The following CLPX variants were observed in gnomAD, a reference collection of about 807,000 sequenced individuals.
The protein encoded by CLPX is caseinolytic mitochondrial matrix peptidase chaperone subunit X, also known as ATP-dependent clpX-like chaperone, mitochondrial.
In CLPX, 34 loss-of-function variants were observed where a neutral mutation model predicts 76.4. The observed-to-expected ratio is 0.45, with a 90% CI of 0.34 to 0.59. The LOEUF (loss-of-function observed/expected upper bound fraction) is 0.59, where lower values mean the gene tolerates loss of function less well. Ranked by LOEUF, CLPX falls within the 20% of genes least tolerant of loss-of-function variation. The pLI is 0.01. For synonymous variants in CLPX, 248 were observed against 270.9 expected (o/e 0.92, Z 0.83); for missense variants, 613 against 757.0 (o/e 0.81, Z 2.23).
intron 5 of CLPX, 91 bp downstream of exon 5, chr15:65,163,938 A>G: frequency 8.1e-7 from 1 of 1,242,134 alleles, no homozygotes; most frequent in Non-Finnish European, 1.2e-6. Flanking sequence ...CACTATATAA[A>G]AAACATTTTA....
intron 6 of CLPX, among the ~76,000 whole-genome samples, chr15:65,160,623 T>TCTCTCACACACACACACACA (rs1219208926): frequency 2.0e-5 from 2 of 100,970 alleles, no homozygotes; most frequent in African/African-American, 7.6e-5. Flanking sequence ...TCTCTCTCTC[T>TCTCTCACACACACACACACA]CACACACACA....
At chr15:65,167,652 G>T (rs2087934249) in intron 3 of CLPX, among the ~76,000 whole-genome samples, 1 of 151,460 alleles carries the variant, frequency 6.6e-6, no homozygotes. Context: ...GAGGCAGGTG[G>T]ATCACCTGAG....
intron 5 of CLPX, 96 bp from the exon 6 acceptor site, chr15:65,162,741 G>A: frequency 1.5e-6 from 1 of 677,148 alleles, no homozygotes; most frequent in Non-Finnish European, 2.5e-6. Flanking sequence ...ATATTTAAAG[G>A]ATTTGTTCAT....
rs144613327 is a variant in CLPX, at chr15:65,164,174, G to A, written c.528C>T (p.Leu176=). 24 of 1,608,592 alleles carry A rather than the reference G, an allele frequency of 1.5e-5. No individual in the cohort carries two copies. Among genetic ancestry groups the A allele is most frequent in the East Asian group, 4.5e-5 (2 of 44,714 alleles). ...PPPPKKIYNY[L]DKYVVGQSFA... The stretch of plus-strand genomic sequence containing the variant: ...ATGACTGGCCAACAACATACTTGTC[G>A]AGGTAGTTATAAATCTGAAAAATGA... The change falls in exon 5 of 14, where the codon CTC becomes CTT. Residue 176 remains leucine, a synonymous_variant. Coordinates refer to ENST00000300107, the MANE Select transcript of CLPX (RefSeq NM_006660.5).
chr15:65,177,938 G>GCCAT (rs1260173112), intron 3 of CLPX, among the ~76,000 whole-genome samples: 5 of 152,014 alleles, frequency 3.3e-5, no homozygotes, highest in African/African-American at 4.8e-5. Context: ...TGGAACTATA[G>GCCAT]CCATGCACCA....
rs545600427 is a variant in CLPX, at chr15:65,161,249, G to A, written c.715+1355C>T. 3.9e-5 allele frequency among the ~76,000 whole-genome samples: 6 copies of A among 152,158 alleles called. No homozygotes were observed. The East Asian group carries it at 1.2e-3, about 29-fold the overall frequency. On this transcript the variant is annotated intron_variant, in intron 6 of 13. Coordinates refer to ENST00000300107, the MANE Select transcript of CLPX (RefSeq NM_006660.5). ...AAAAACAACATTATATTCCAAAGAT[G>A]GAGAAAAAAAGCCAATTGTGTCAGT...
intron 3 of CLPX, among the ~76,000 whole-genome samples, chr15:65,170,007 T>C (rs2087977800): frequency 6.6e-6 from 1 of 152,016 alleles, no homozygotes; most frequent in African/African-American, 2.4e-5. Flanking sequence ...GTGATCCGCC[T>C]GCCTCAGCCT....
In CLPX at chr15:65,185,317, C is replaced by T; in HGVS notation, c.-164G>A. 1 of 600,862 alleles carries T rather than the reference C, an allele frequency of 1.7e-6. No homozygotes were observed. Among genetic ancestry groups the T allele is most frequent in the South Asian group, 2.0e-5 (1 of 50,890 alleles). The allele number at this position is 600,862 out of a possible 1,614,324, so 37.2% of individuals were successfully genotyped here. A position where few individuals can be genotyped will look rare whatever the true frequency, so the allele number is the denominator to read the frequency against. ...GCAGCCAGGCCTTCACGCTTCTCTG[C>T]CCCACAGCCGTCTATTCACCAGAGT... On this transcript the variant is annotated 5_prime_UTR_variant, in exon 1 of 14. Coordinates refer to ENST00000300107, the MANE Select transcript of CLPX (RefSeq NM_006660.5).
At chr15:65,184,967 A>G in intron 1 of CLPX, 108 bp downstream of exon 1, 1 of 916,370 alleles carries the variant, frequency 1.1e-6, no homozygotes, top group Non-Finnish European at 1.7e-6. Context: ...ATTCCCTCAC[A>G]CTCCCCGGGT....
rs111265035 is a variant in CLPX, at chr15:65,157,816, G to A, written c.987C>T (p.Gly329=). The A allele has an allele frequency of 3.8e-4, 609 of 1,613,648 alleles. 5 individuals are homozygous for A. The East Asian group carries it at 0.01, about 27-fold the overall frequency. The change falls in exon 8 of 14, where the codon GGC becomes GGT. Residue 329 remains glycine, a synonymous_variant. Transcript: ENST00000300107. ...CTTLTQAGYV[G]EDIESVIAKL... ...TTGCAATCACAGATTCAATATCTTC[G>A]CCTACATATCCAGCCTGAGTCAAAG...
intron 1 of CLPX, among the ~76,000 whole-genome samples, chr15:65,181,712 G>A (rs1302487728): frequency 6.6e-6 from 1 of 151,610 alleles, no homozygotes; most frequent in Admixed American, 6.6e-5. Flanking sequence ...TTGCGCCACT[G>A]TACTCCAGCC....
intron 9 of CLPX, 137 bp from the exon 10 acceptor site, chr15:65,155,993 A>G (rs1414899358): frequency 4.6e-6 from 3 of 656,082 alleles, no homozygotes; most frequent in African/African-American, 1.9e-5. Flanking sequence ...CCACATTCCT[A>G]TAACTAACAA....
chr15:65,157,678 T>C, intron 8 of CLPX, 68 bp downstream of exon 8: 2 of 1,367,108 alleles, frequency 1.5e-6, no homozygotes, highest in Non-Finnish European at 2.0e-6. Flanking sequence ...AAGAATTATA[T>C]TGTCTCTTAA....
intron 6 of CLPX, among the ~76,000 whole-genome samples, chr15:65,159,767 C>T (rs895794715): frequency 6.6e-6 from 1 of 151,762 alleles, no homozygotes; most frequent in African/African-American, 2.4e-5. Context: ...GTTATCACAA[C>T]ATACTTGTTT....
chr15:65,157,200 A>C (rs1348703327), intron 8 of CLPX, among the ~76,000 whole-genome samples: 1 of 152,218 alleles, frequency 6.6e-6, no homozygotes, highest in Non-Finnish European at 1.5e-5. Flanking sequence ...ATGTATATGA[A>C]TTCTTTATAG....
intron 4 of CLPX, among the ~76,000 whole-genome samples, chr15:65,165,375 A>AT (rs34678725): frequency 0.021 from 1,425 of 69,208 alleles, 150 homozygotes; most frequent in African/African-American, 0.038. Context: ...AACTGCCTGG[A>AT]TTTTTTTTTT....
chr15:65,169,785 C>CG (rs2087973981), intron 3 of CLPX, among the ~76,000 whole-genome samples: 2 of 148,554 alleles, frequency 1.3e-5, no homozygotes, highest in African/African-American at 2.5e-5. Flanking sequence ...GACAGAGTTT[C>CG]GCTCTTGTTG....
At chr15:65,180,229 C>G in intron 1 of CLPX, 25 bp from the exon 2 acceptor site, 2 of 1,542,730 alleles carry the variant, frequency 1.3e-6, no homozygotes, top group Non-Finnish European at 1.8e-6. Context: ...AAATCTACAT[C>G]AAATATAGAC....
intron 13 of CLPX, among the ~76,000 whole-genome samples, chr15:65,151,344 C>CA (rs571760722): frequency 0.04 from 2,387 of 59,212 alleles, 172 homozygotes; most frequent in African/African-American, 0.13. Context: ...GACTGAGTCT[C>CA]AAAAAAAAAA....
Sources: gnomAD v4.1 joint callset for allele counts (sites outside exome capture counted in the v4.1 genomes callset) on GRCh38, gnomAD v4.1.1 for gene constraint, MANE v1.5 for transcripts, NCBI Gene and HGNC (gene_info 2026-07-23, HGNC 2026-07-21) for gene names.